The following TMEM132D variants were observed in gnomAD, a reference collection of about 807,000 sequenced individuals.
The protein encoded by TMEM132D is transmembrane protein 132D.
In TMEM132D, 21 loss-of-function variants were observed where a neutral mutation model predicts 62.3. That is an observed-to-expected ratio of 0.34 (90% confidence interval 0.24 to 0.49). The LOEUF (loss-of-function observed/expected upper bound fraction) is 0.49. Among genes scored for constraint, TMEM132D ranks in the 20% least tolerant of loss-of-function variants. The pLI is 0.99. For synonymous variants in TMEM132D, 621 were observed against 575.6 expected (o/e 1.08, Z -1.13); for missense variants, 1,346 against 1,402.8 (o/e 0.96, Z 0.65).
At chr12:129,100,057 T>C (rs1056979992) in intron 5 of TMEM132D, among the ~76,000 whole-genome samples, 1 of 151,750 alleles carries the variant, frequency 6.6e-6, no homozygotes, top group African/African-American at 2.4e-5. Context: ...ATCTTTTTTT[T>C]TGGGACAGAG....
Position 129,074,202 on chromosome 12 carries a change from A to G in TMEM132D, c.2973T>C (p.Ile991=), listed in dbSNP as rs1874169712. 1.2e-6 allele frequency: 2 copies of G among 1,613,916 alleles called. No individual in the cohort carries two copies. The highest frequency in any genetic ancestry group is 1.3e-5 in the African/African-American group (1 of 74,956). The change falls in exon 9 of 9, where the codon ATT becomes ATC. Residue 991 remains isoleucine, a synonymous_variant. Transcript: ENST00000422113. The part of the protein sequence containing the change: ...ASSQDEQITA[I]DRGMDFEESK... ...TTTCCTCGAAATCCATGCCCCTGTCAATGGCAGTGATTTGCTCATCTTGCG... is the reference window on the plus strand; with the variant it reads ...TTTCCTCGAAATCCATGCCCCTGTCGATGGCAGTGATTTGCTCATCTTGCG...
intron 2 of TMEM132D, among the ~76,000 whole-genome samples, chr12:129,594,178 C>A (rs1285680246): frequency 6.6e-5 from 10 of 152,154 alleles, no homozygotes; most frequent in Non-Finnish European, 1.5e-4. Context: ...AGCGCTTTCC[C>A]TGGTTATGCA....
intron 1 of TMEM132D, among the ~76,000 whole-genome samples, chr12:129,810,758 A>G (rs2092394494): frequency 6.6e-6 from 1 of 152,210 alleles, no homozygotes; most frequent in African/African-American, 2.4e-5. Context: ...TTTATCTTTC[A>G]ACGCGTTAAT....
intron 4 of TMEM132D, among the ~76,000 whole-genome samples, chr12:129,256,823 A>G (rs1383938814): frequency 6.6e-6 from 1 of 152,164 alleles, no homozygotes; most frequent in Non-Finnish European, 1.5e-5. Context: ...GACCTCCCAA[A>G]GGGCTGGGAT....
chr12:129,697,464 C>T (rs552133832), intron 2 of TMEM132D, among the ~76,000 whole-genome samples: 3 of 152,256 alleles, frequency 2.0e-5, no homozygotes, highest in East Asian at 3.9e-4. Context: ...ATAATCAGAG[C>T]GTTTTAAGTA....
intron 1 of TMEM132D, among the ~76,000 whole-genome samples, chr12:129,819,340 A>T (rs1008163435): frequency 1.3e-5 from 2 of 152,130 alleles, no homozygotes; most frequent in African/African-American, 4.8e-5. Context: ...ATCAATTGTG[A>T]TATTTATAAT....
At chr12:129,709,931 C>T (rs144360227) in intron 1 of TMEM132D, among the ~76,000 whole-genome samples, 5 of 152,278 alleles carry the variant, frequency 3.3e-5, no homozygotes, top group African/African-American at 9.6e-5. Context: ...TTACTTTATA[C>T]TCATTGAAAA....
At chr12:129,204,758 T>C (rs1878796845) in intron 5 of TMEM132D, among the ~76,000 whole-genome samples, 1 of 151,618 alleles carries the variant, frequency 6.6e-6, no homozygotes, top group African/African-American at 2.4e-5. Context: ...AAAGGAAAAA[T>C]GTTAAGGGCA....
intron 2 of TMEM132D, among the ~76,000 whole-genome samples, chr12:129,637,542 C>G (rs144293254): frequency 6.6e-6 from 1 of 152,136 alleles, no homozygotes; most frequent in African/African-American, 2.4e-5. Context: ...ACCTTACCCC[C>G]ACCCCCTTCC....
intron 3 of TMEM132D, among the ~76,000 whole-genome samples, chr12:129,454,772 C>G (rs1015267481): frequency 6.6e-6 from 1 of 152,176 alleles, no homozygotes; most frequent in African/African-American, 2.4e-5. Context: ...GTGTCTCTGC[C>G]TCTCATCTCC....
At chr12:129,828,672 G>T (rs113653770) in intron 1 of TMEM132D, among the ~76,000 whole-genome samples, 1 of 63,916 alleles carries the variant, frequency 1.6e-5, no homozygotes. Context: ...GGAAGGAAAG[G>T]AAAGAAGGGA....
At chr12:129,235,672 C>A (rs927318084) in intron 4 of TMEM132D, among the ~76,000 whole-genome samples, 1 of 152,072 alleles carries the variant, frequency 6.6e-6, no homozygotes, top group African/African-American at 2.4e-5. Flanking sequence ...TCAACCTATA[C>A]GTTTCTGTGC....
chr12:129,426,842 G>A (rs1416104102), intron 3 of TMEM132D, among the ~76,000 whole-genome samples: 8 of 152,202 alleles, frequency 5.3e-5, no homozygotes, highest in Non-Finnish European at 1.2e-4. Context: ...TGGCAGAAGC[G>A]GGAGCTGTGG....
At chr12:129,682,881 A>T (rs78209006) in intron 2 of TMEM132D, 6 of 150,182 alleles carry the variant, frequency 4.0e-5, no homozygotes, top group African/African-American at 1.2e-4. Context: ...AAAAAAAAAA[A>T]AGAGACTTAC....
At chr12:129,382,635 T>A (rs1485301783) in intron 3 of TMEM132D, among the ~76,000 whole-genome samples, 3 of 152,158 alleles carry the variant, frequency 2.0e-5, no homozygotes, top group African/African-American at 7.2e-5. Flanking sequence ...AGGCCCTAAT[T>A]CTGAGCACCA....
chr12:129,749,249 G>A (rs541968573), intron 1 of TMEM132D, among the ~76,000 whole-genome samples: 4 of 152,128 alleles, frequency 2.6e-5, no homozygotes, highest in Admixed American at 6.5e-5. Flanking sequence ...CAGATAGAAC[G>A]TGGCAGAGCC....
chr12:129,306,705 C>T (rs1881853923), intron 4 of TMEM132D, among the ~76,000 whole-genome samples: 1 of 152,208 alleles, frequency 6.6e-6, no homozygotes, highest in Admixed American at 6.5e-5. Flanking sequence ...CCCAGTATTT[C>T]GCATTCTTGG....
intron 1 of TMEM132D, among the ~76,000 whole-genome samples, chr12:129,743,517 C>A (rs1869674541): frequency 6.6e-6 from 1 of 152,196 alleles, no homozygotes; most frequent in Admixed American, 6.5e-5. Context: ...GCCTCCCCAG[C>A]CATGCTGAAC....
chr12:129,092,772 G>A (rs114734538), intron 5 of TMEM132D, among the ~76,000 whole-genome samples: 314 of 152,276 alleles, frequency 2.1e-3, no homozygotes, highest in African/African-American at 7.4e-3. Flanking sequence ...CTACATGCAA[G>A]GTACTGTACT....
Sources: gnomAD v4.1 joint callset for allele counts (sites outside exome capture counted in the v4.1 genomes callset) on GRCh38, gnomAD v4.1.1 for gene constraint, MANE v1.5 for transcripts, NCBI Gene and HGNC (gene_info 2026-07-23, HGNC 2026-07-21) for gene names.